The following KLHL17 variants were observed in gnomAD, a reference collection of about 807,000 sequenced individuals.
KLHL17 encodes the protein kelch-like protein 17.
In KLHL17, 71 loss-of-function variants were observed where a neutral mutation model predicts 64.6. The observed-to-expected ratio is 1.10, with a 90% confidence interval of 0.91 to 1.34. The LOEUF (loss-of-function observed/expected upper bound fraction) is 1.34. Ranked by LOEUF, KLHL17 falls within the 40% of genes most tolerant of loss-of-function variation. The probability of loss-of-function intolerance (pLI) is 0.00; values close to 1 mark genes in which losing one functional copy is unlikely to be tolerated. For missense variants in KLHL17, 1,140 were observed against 935.0 expected (o/e 1.22, Z -2.86); for synonymous variants, 612 against 405.4 (o/e 1.51, Z -6.12).
chr1:962,619 G>C lies in KLHL17; in HGVS notation c.829-85G>C, dbSNP rs549576073. On this transcript the variant is annotated intron_variant, in intron 5 of 11. Coordinates refer to ENST00000338591, the MANE Select transcript of KLHL17 (RefSeq NM_198317.3). ...TGAAGAAGAATCCATCACACAGGTG[G>C]TACGGGCATCTGGGGGGTTGTCTCA... The C allele has an allele frequency of 2.6e-5, 40 of 1,523,420 alleles. No homozygotes were observed. In the African/African-American group the frequency reaches 5.1e-4, roughly 19 times the overall value. 94.4% of individuals were successfully genotyped at this position (1,523,420 alleles called of 1,614,324 possible).
In KLHL17 at chr1:961,553, G is replaced by A; in HGVS notation, c.367+1G>A. The A allele has an allele frequency of 1.6e-5, 26 of 1,612,670 alleles. No homozygotes were observed. The highest frequency in any genetic ancestry group is 2.1e-5 in the Non-Finnish European group (25 of 1,179,970). ...CCCTACTTCCACGCCATGTTCACAA[G>A]CAAGTACCCGCCTGGGCGGCGCTGG... On this transcript the variant is annotated splice_donor_variant, in intron 2 of 11. Transcript: ENST00000338591. LOFTEE classifies it high-confidence loss of function.
chr1:962,372 T>C lies in KLHL17; in HGVS notation c.729T>C (p.Ser243=), dbSNP rs1642698103. The change falls in exon 5 of 12, where the codon TCT becomes TCC. Residue 243 remains serine (S), a synonymous_variant. Transcript: ENST00000338591. ...LPLKQVLELV[S]SDSLNVPSEE... Reference sequence around the variant, plus strand: ...ACTCCCAGGTTCTGGAACTGGTCTCTAGCGACAGCCTGAACGTGCCTTCAG... The same window carrying C: ...ACTCCCAGGTTCTGGAACTGGTCTCCAGCGACAGCCTGAACGTGCCTTCAG... 2.5e-6 allele frequency: 4 copies of C among 1,612,642 alleles called. No homozygotes were observed. In the East Asian group the frequency reaches 8.9e-5, roughly 36 times the overall value.
chr1:963,382 C>A lies in KLHL17; in HGVS notation c.1233C>A (p.Pro411=), dbSNP rs148507945. 4 of 1,612,552 alleles carry A rather than the reference C, an allele frequency of 2.5e-6. No homozygotes were observed. The highest frequency in any genetic ancestry group is 3.4e-6 in the Non-Finnish European group (4 of 1,179,798). The change falls in exon 8 of 12, where the codon CCC becomes CCA. Residue 411 remains proline, a synonymous_variant. Coordinates refer to ENST00000338591, the MANE Select transcript of KLHL17 (RefSeq NM_198317.3). ...SDLATVESYD[P]VTNTWQPEVS... ...TGGCTACCGTGGAGTCCTACGACCCCGTGACTAACACGTGGCAGCCGGAGG... is the reference window on the plus strand; with the variant it reads ...TGGCTACCGTGGAGTCCTACGACCCAGTGACTAACACGTGGCAGCCGGAGG...
chr1:963,892 G>A lies in KLHL17; in HGVS notation c.1356-28G>A, dbSNP rs771579722. ...CGGGACGCCTTTCTGTCTCTGCTGA[G>A]CTGTGGCTGCGGTCCTGGTGCCCAC... On this transcript the variant is annotated intron_variant, in intron 8 of 11. Coordinates refer to ENST00000338591, the MANE Select transcript of KLHL17 (RefSeq NM_198317.3). 6.2e-6 allele frequency: 10 copies of A among 1,609,514 alleles called. No homozygotes were observed. The Admixed American group carries it at 1.0e-4, about 16-fold the overall frequency.
At chr1:961,006 G>A (rs1323931461) in intron 1 of KLHL17, 1 of 256,210 alleles carries the variant, frequency 3.9e-6, no homozygotes, top group Non-Finnish European at 6.1e-6. Context: ...TCCCGAGAGG[G>A]CGGCTAGGGA....
At position 962,754 on chromosome 1, in the gene KLHL17, C is replaced by A. The variant is rs1045797350; in HGVS notation, c.879C>A (p.Gly293=). 2.5e-6 allele frequency: 4 copies of A among 1,610,782 alleles called. No individual in the cohort carries two copies. Among genetic ancestry groups the A allele is most frequent in the African/African-American group, 2.7e-5 (2 of 74,914 alleles). ...LPLLSRDFLL[G]HVDAESLVRH... is the part of the protein sequence containing the mutation. ...TGCTGAGCCGCGACTTCCTGCTGGG[C>A]CACGTGGATGCCGAGAGCCTGGTGA... The change falls in exon 6 of 12, where the codon GGC becomes GGA. Residue 293 remains glycine, a synonymous_variant. Transcript: ENST00000338591.
intron 1 of KLHL17, 178 bp downstream of exon 1, chr1:960,978 A>AC: frequency 3.0e-6 from 1 of 329,124 alleles, no homozygotes; most frequent in Non-Finnish European, 4.3e-6. Context: ...CGCGCCCAGG[A>AC]CGCGACTCCC....
intron 11 of KLHL17, 39 bp from the exon 12 acceptor site, chr1:964,924 C>T: frequency 6.8e-7 from 1 of 1,466,442 alleles, no homozygotes; most frequent in Non-Finnish European, 9.4e-7. Context: ...CCCCCGCATC[C>T]CTTCCTGCAG....
rs1569968673 is a variant in KLHL17 at position 960,689 on chromosome 1, G to A, written c.-5G>A. On this transcript the variant is annotated 5_prime_UTR_variant, in exon 1 of 12. Coordinates refer to ENST00000338591, the MANE Select transcript of KLHL17 (RefSeq NM_198317.3). ...CCGCGAATCGGCGGTGGGTCCGGCA[G>A]CCGAATGCAGCCCCGCAGCGAGCGC... The A allele has an allele frequency of 1.5e-6, 2 of 1,375,992 alleles. No homozygotes were observed. The highest frequency in any genetic ancestry group is 1.5e-5 in the African/African-American group (1 of 65,458). 85.2% of individuals were successfully genotyped at this position (1,375,992 alleles called of 1,614,324 possible).
rs541022814 is a variant in KLHL17, at chr1:965,682, C to T, written c.*491C>T. 1.9e-4 allele frequency: 31 copies of T among 162,294 alleles called. No individual in the cohort carries two copies. In the Middle Eastern group the frequency reaches 0.013, roughly 65 times the overall value. 10.1% of individuals were successfully genotyped at this position (162,294 alleles called of 1,614,324 possible). ...TGCACTGGGACCCCACACAGCAATACGAGTCCAACTTAATAAACACATTTC... is the reference window on the plus strand; with the variant it reads ...TGCACTGGGACCCCACACAGCAATATGAGTCCAACTTAATAAACACATTTC... On this transcript the variant is annotated 3_prime_UTR_variant, in exon 12 of 12. Transcript: ENST00000338591.
rs556181635 is a variant in KLHL17, at chr1:963,469, G to A, written c.1320G>A (p.Ser440=). 2.9e-5 allele frequency: 46 copies of A among 1,610,840 alleles called. No homozygotes were observed. The highest frequency in any genetic ancestry group is 2.2e-4 in the East Asian group (10 of 44,804). ...GVAALHGLLY[S]AGGYDGASCL... is the part of the protein sequence containing the mutation. ...CCGCCTTGCATGGACTCCTGTACTC[G>A]GCCGGCGGCTATGACGGGGCCTCCT... is the stretch of plus-strand genomic sequence containing the variant. Residue 440 remains serine, a synonymous_variant, in exon 8 of 12, where the codon TCG becomes TCA. Transcript: ENST00000338591.
At chr1:961,150 C>A in intron 1 of KLHL17, 143 bp from the exon 2 acceptor site, 1 of 480,028 alleles carries the variant, frequency 2.1e-6, no homozygotes, top group Non-Finnish European at 3.0e-6. Flanking sequence ...GGGCGGGGGT[C>A]CTTGGCGGAG....
At chr1:962,672 C>A in intron 5 of KLHL17, 32 bp from the exon 6 acceptor site, 1 of 1,556,638 alleles carries the variant, frequency 6.4e-7, no homozygotes, top group South Asian at 1.2e-5. Flanking sequence ...GCCCGAGGGT[C>A]CCGCCTGACC....
chr1:960,700 C>T lies in KLHL17; in HGVS notation c.7C>T (p.Pro3Ser), dbSNP rs1229296506. MQ[P>S]RSERPAGRTQ... is the part of the protein sequence containing the mutation. Reference sequence around the variant, plus strand: ...CGGTGGGTCCGGCAGCCGAATGCAGCCCCGCAGCGAGCGCCCGGCCGGCAG... The same window carrying T: ...CGGTGGGTCCGGCAGCCGAATGCAGTCCCGCAGCGAGCGCCCGGCCGGCAG... Residue 3 changes from proline to serine, a missense_variant, in exon 1 of 12, where the codon CCC becomes TCC. Transcript: ENST00000338591. 7.3e-7 allele frequency: 1 copy of T among 1,361,444 alleles called. No homozygotes were observed. The highest frequency in any genetic ancestry group is 1.5e-5 in the South Asian group (1 of 67,696). 84.3% of individuals were successfully genotyped at this position (1,361,444 alleles called of 1,614,324 possible).
Position 965,564 on chromosome 1 carries a change from G to A in KLHL17, c.*373G>A. The stretch of plus-strand genomic sequence containing the variant: ...GACCCCAGCTCGAATTTTGCACATG[G>A]CGGGGTCCCGGGAAGGGTGGGGAGC... On this transcript the variant is annotated 3_prime_UTR_variant, in exon 12 of 12. Transcript: ENST00000338591. 2 of 272,652 alleles carry A rather than the reference G, an allele frequency of 7.3e-6. No individual in the cohort carries two copies. The highest frequency in any genetic ancestry group is 1.4e-5 in the Non-Finnish European group (2 of 144,134). The allele number at this position is 272,652 out of a possible 1,614,324, so 16.9% of individuals were successfully genotyped here.
At position 964,387 on chromosome 1, in the gene KLHL17, A is replaced by T. The variant is rs757126580; in HGVS notation, c.1557A>T (p.Arg519=). The stretch of plus-strand genomic sequence containing the variant: ...CGCCCGTGGCGTCCATGCTGAGCCG[A>T]CGCAGCTCAGCGGGCGTGGCCGTGC... ...VWSPVASMLS[R]RSSAGVAVLE... Residue 519 remains arginine, a synonymous_variant, in exon 11 of 12, where the codon CGA becomes CGT. Coordinates refer to ENST00000338591, the MANE Select transcript of KLHL17 (RefSeq NM_198317.3). 66 of 1,557,864 alleles carry T rather than the reference A, an allele frequency of 4.2e-5. No homozygotes were observed. Among genetic ancestry groups the T allele is most frequent in the Non-Finnish European group, 5.3e-5 (61 of 1,152,038 alleles).
rs750157617 is a variant in KLHL17 at position 962,700 on chromosome 1, C to T, written c.829-4C>T. Reference sequence around the variant, plus strand: ...GCCTGACCTTGGCGTTCCCTGCACCCCAGCTCATGAAGTGTGTGCGGCTGC... The same window carrying T: ...GCCTGACCTTGGCGTTCCCTGCACCTCAGCTCATGAAGTGTGTGCGGCTGC... On this transcript the variant is annotated splice_polypyrimidine_tract_variant and splice_region_variant and intron_variant, in intron 5 of 11. Coordinates refer to ENST00000338591, the MANE Select transcript of KLHL17 (RefSeq NM_198317.3). The T allele has an allele frequency of 8.8e-6, 14 of 1,585,610 alleles. No individual in the cohort carries two copies. Among genetic ancestry groups the T allele is most frequent in the Middle Eastern group, 1.9e-4 (1 of 5,132 alleles).
rs1396170149 is a variant in KLHL17 at position 960,691 on chromosome 1, C to T, written c.-3C>T. The T allele has an allele frequency of 1.5e-6, 2 of 1,372,770 alleles. No individual in the cohort carries two copies. The highest frequency in any genetic ancestry group is 1.4e-5 in the South Asian group (1 of 69,862). The allele number at this position is 1,372,770 out of a possible 1,614,324, so 85.0% of individuals were successfully genotyped here. Reference sequence around the variant, plus strand: ...GCGAATCGGCGGTGGGTCCGGCAGCCGAATGCAGCCCCGCAGCGAGCGCCC... The same window carrying T: ...GCGAATCGGCGGTGGGTCCGGCAGCTGAATGCAGCCCCGCAGCGAGCGCCC... On this transcript the variant is annotated 5_prime_UTR_variant, in exon 1 of 12. Transcript: ENST00000338591.
At chr1:962,510 A>G in intron 5 of KLHL17, 39 bp downstream of exon 5, 1 of 1,604,780 alleles carries the variant, frequency 6.2e-7, no homozygotes, top group South Asian at 1.1e-5. Flanking sequence ...AGCATCCAGG[A>G]GGGCATGCAG....
Sources: allele counts gnomAD v4.1 joint callset, GRCh38; gene constraint gnomAD v4.1.1; transcripts MANE v1.5; gene names NCBI Gene and HGNC (gene_info 2026-07-23, HGNC 2026-07-21).